The following AMMECR1 variants were observed in gnomAD, a reference collection of about 807,000 sequenced individuals.
The protein encoded by AMMECR1 is nuclear protein AMMECR1.
A neutral mutation model predicts 22.5 loss-of-function variants in AMMECR1; 3 were observed. The ratio of observed to expected loss-of-function variants is 0.13; its 90% CI spans 0.06 to 0.35. The LOEUF (loss-of-function observed/expected upper bound fraction) is 0.35. AMMECR1 is among the 10% of genes least tolerant of loss of function. The pLI is 1.00. For missense variants in AMMECR1, 235 were observed against 278.7 expected (o/e 0.84, Z 1.12); for synonymous variants, 130 against 116.7 (o/e 1.11, Z -0.74).
intron 2 of AMMECR1, among the ~76,000 whole-genome samples, chrX:110,384,325 G>C (rs901982366): frequency 1.8e-5 from 2 of 110,672 alleles, no homozygotes; most frequent in Admixed American, 1.9e-4. Context: ...TTTGGATCTT[G>C]ATTCTGCTCA....
intron 1 of AMMECR1, among the ~76,000 whole-genome samples, chrX:110,290,951 G>T (rs1340431001): frequency 9.0e-6 from 1 of 111,619 alleles, no homozygotes; most frequent in African/African-American, 3.3e-5. Flanking sequence ...GAGTGTGTGG[G>T]TACTTTAATT....
intron 2 of AMMECR1, among the ~76,000 whole-genome samples, chrX:110,415,017 A>C (rs769924897): frequency 9.0e-6 from 1 of 111,575 alleles, no homozygotes; most frequent in Admixed American, 9.5e-5. Flanking sequence ...TGCCCACTTT[A>C]AATGCTCCTC....
chrX:110,197,309 T>C lies in AMMECR1; in HGVS notation c.*1211A>G, dbSNP rs771466175. 8.9e-6 allele frequency: 1 copy of C among 112,387 alleles called. No individual in the cohort carries two copies. Among genetic ancestry groups the C allele is most frequent in the East Asian group, 2.8e-4 (1 of 3,584 alleles). 9.3% of individuals were successfully genotyped at this position (112,387 alleles called of 1,213,427 possible). ...TAGTATCTCTAAAACTCTAATATTG[T>C]CCCCATGACAAACATATCTGAAATC... On this transcript the variant is annotated 3_prime_UTR_variant, in exon 6 of 6. Transcript: ENST00000262844.
chrX:110,229,665 G>C (rs2067551904), intron 2 of AMMECR1, among the ~76,000 whole-genome samples: 1 of 112,273 alleles, frequency 8.9e-6, no homozygotes, highest in African/African-American at 3.2e-5. Context: ...TGGACAGTGG[G>C]AACAGCCCAC....
At chrX:110,247,866 T>A (rs2067667203) in intron 2 of AMMECR1, among the ~76,000 whole-genome samples, 1 of 111,735 alleles carries the variant, frequency 8.9e-6, no homozygotes, top group Non-Finnish European at 1.9e-5. Flanking sequence ...TGATAACAGG[T>A]TTCCAATAAT....
At chrX:110,411,107 C>G (rs1396034503) in intron 2 of AMMECR1, among the ~76,000 whole-genome samples, 2 of 112,279 alleles carry the variant, frequency 1.8e-5, no homozygotes, top group Non-Finnish European at 3.8e-5. Flanking sequence ...ACTTGTATCT[C>G]TGAGCAAGAG....
chrX:110,394,225 G>A (rs1216336871), intron 2 of AMMECR1, among the ~76,000 whole-genome samples: 1 of 112,422 alleles, frequency 8.9e-6, no homozygotes, highest in East Asian at 2.8e-4. Context: ...AATATTAGAA[G>A]TGTTTGGGTG....
intron 3 of AMMECR1, among the ~76,000 whole-genome samples, chrX:110,215,102 T>C (rs923075687): frequency 1.8e-5 from 2 of 111,959 alleles, no homozygotes; most frequent in African/African-American, 6.5e-5. Flanking sequence ...AAATTTCAAG[T>C]TTACAAAAGG....
intron 2 of AMMECR1, among the ~76,000 whole-genome samples, chrX:110,408,539 C>G (rs1270590718): frequency 2.7e-5 from 3 of 112,148 alleles, no homozygotes; most frequent in Non-Finnish European, 5.6e-5. Context: ...TGTTTTATAC[C>G]TAAGCATAAA....
intron 2 of AMMECR1, among the ~76,000 whole-genome samples, chrX:110,327,023 T>C (rs1432680432): frequency 8.9e-6 from 1 of 112,004 alleles, no homozygotes; most frequent in African/African-American, 3.2e-5. Flanking sequence ...TGATGACATA[T>C]TGGCATGGAA....
chrX:110,260,954 A>G (rs1259246813), intron 2 of AMMECR1, among the ~76,000 whole-genome samples: 2 of 112,132 alleles, frequency 1.8e-5, no homozygotes, highest in East Asian at 2.8e-4. Context: ...GACAAATATC[A>G]TATGATTCCA....
chrX:110,423,755 TAGC>T (rs992987407), intron 2 of AMMECR1, among the ~76,000 whole-genome samples: 69 of 112,534 alleles, frequency 6.1e-4, no homozygotes, highest in African/African-American at 1.6e-3. Context: ...TGATGTGAAA[TAGC>T]AGCTTCTCTC....
chrX:110,317,502 G>A (rs2068054853), intron 1 of AMMECR1, 97 bp downstream of exon 1: 4 of 1,081,510 alleles, frequency 3.7e-6, no homozygotes, highest in Non-Finnish European at 4.8e-6. Flanking sequence ...GAGAGGGCAG[G>A]GGCATCCGCC....
chrX:110,424,134 A>T (rs1164149572), intron 2 of AMMECR1, among the ~76,000 whole-genome samples: 1 of 111,632 alleles, frequency 9.0e-6, no homozygotes, highest in African/African-American at 3.3e-5. Context: ...CAGGAAACAT[A>T]ATGCAAGGTC....
intron 2 of AMMECR1, among the ~76,000 whole-genome samples, chrX:110,232,187 C>G (rs1386715878): frequency 8.9e-6 from 1 of 111,904 alleles, no homozygotes; most frequent in Non-Finnish European, 1.9e-5. Flanking sequence ...CTACAGGACT[C>G]TCCACCCCAA....
intron 2 of AMMECR1, among the ~76,000 whole-genome samples, chrX:110,410,312 G>A (rs749644199): frequency 2.7e-5 from 3 of 111,792 alleles, no homozygotes; most frequent in African/African-American, 6.5e-5. Context: ...AGGACAGAGG[G>A]CATCTTAAAG....
chrX:110,236,632 T>C (rs2067603211), intron 2 of AMMECR1, among the ~76,000 whole-genome samples: 1 of 112,417 alleles, frequency 8.9e-6, no homozygotes, highest in South Asian at 3.7e-4. Context: ...TAGCACACAG[T>C]AGCTGGTAAA....
intron 1 of AMMECR1, among the ~76,000 whole-genome samples, chrX:110,303,474 G>A (rs1458860525): frequency 8.9e-6 from 1 of 111,808 alleles, no homozygotes; most frequent in African/African-American, 3.3e-5. Flanking sequence ...ATCCACCTTT[G>A]TTAAGAAAGA....
intron 2 of AMMECR1, among the ~76,000 whole-genome samples, chrX:110,419,394 C>T (rs1453859477): frequency 2.7e-5 from 3 of 112,667 alleles, no homozygotes; most frequent in Non-Finnish European, 5.6e-5. Context: ...TGAGAAGAGC[C>T]TTCTCTGACC....
Sources: allele counts gnomAD v4.1 joint callset (sites outside exome capture counted in the v4.1 genomes callset), GRCh38; gene constraint gnomAD v4.1.1; transcripts MANE v1.5; gene names NCBI Gene and HGNC (gene_info 2026-07-23, HGNC 2026-07-21).